Variants in ARHGEF26 observed in about 807,000 individuals in gnomAD.
ARHGEF26 encodes the protein Rho guanine nucleotide exchange factor (GEF) 26.
Under a neutral mutation model 89.4 loss-of-function variants are expected in ARHGEF26, and 59 were observed. The ratio of observed to expected loss-of-function variants is 0.66; its 90% confidence interval spans 0.54 to 0.82. The LOEUF (loss-of-function observed/expected upper bound fraction) is 0.82. Ranked by LOEUF, ARHGEF26 falls within the 40% of genes least tolerant of loss-of-function variation. The probability of loss-of-function intolerance (pLI) is 0.00; values close to 1 mark genes in which losing one functional copy is unlikely to be tolerated. For missense variants in ARHGEF26, 1,234 were observed against 1,085.6 expected, an observed-to-expected ratio of 1.14 and a Z score of -1.92; for synonymous variants, 500 against 428.4, an observed-to-expected ratio of 1.17 and a Z score of -2.06.
intron 11 of ARHGEF26, among the ~76,000 whole-genome samples, chr3:154,228,851 G>C (rs1011336507): frequency 6.6e-6 from 1 of 152,218 alleles, no homozygotes; most frequent in African/African-American, 2.4e-5. Flanking sequence ...AAAATCACCT[G>C]TGCCAGCGCT....
At chr3:154,207,843 A>T (rs1715122978) in intron 9 of ARHGEF26, among the ~76,000 whole-genome samples, 1 of 152,230 alleles carries the variant, frequency 6.6e-6, no homozygotes, top group African/African-American at 2.4e-5. Flanking sequence ...CATGGAATCC[A>T]GTTAAGTGCC....
intron 10 of ARHGEF26, among the ~76,000 whole-genome samples, chr3:154,218,413 T>C (rs903489314): frequency 1.3e-5 from 2 of 152,214 alleles, no homozygotes; most frequent in African/African-American, 2.4e-5. Flanking sequence ...AGTTTGTTTT[T>C]CTCTCATAAT....
intron 9 of ARHGEF26, among the ~76,000 whole-genome samples, chr3:154,205,930 T>C (rs575258771): frequency 6.6e-6 from 1 of 152,254 alleles, no homozygotes; most frequent in African/African-American, 2.4e-5. Context: ...ACACCATAGT[T>C]ACAGTGTTAT....
At chr3:154,166,578 G>T (rs1442874497) in intron 6 of ARHGEF26, among the ~76,000 whole-genome samples, 2 of 152,160 alleles carry the variant, frequency 1.3e-5, no homozygotes, top group Non-Finnish European at 2.9e-5. Context: ...ATTTTAGTGA[G>T]TGTATGTATT....
intron 6 of ARHGEF26, among the ~76,000 whole-genome samples, chr3:154,159,301 C>G (rs1332148837): frequency 6.6e-6 from 1 of 151,996 alleles, no homozygotes; most frequent in Non-Finnish European, 1.5e-5. Flanking sequence ...TTTCCAATTA[C>G]AAAGTTAAAA....
rs557045322 is a variant in ARHGEF26 at position 154,204,394 on chromosome 3, G to T, written c.1845+9676G>T. Among the ~76,000 whole-genome samples, 7 of 145,100 alleles carry T rather than the reference G, an allele frequency of 4.8e-5. No homozygotes were observed. The South Asian group carries it at 6.8e-4, about 14-fold the overall frequency. On this transcript the variant is annotated intron_variant, in intron 9 of 14. Coordinates refer to ENST00000465093, the MANE Select transcript of ARHGEF26 (RefSeq NM_015595.4). ...GTATCTCCCAGGCTGGAGTGCAGTG[G>T]CATGATCTTGGTTCACTGCAACCTC... is the stretch of plus-strand genomic sequence containing the variant.
intron 11 of ARHGEF26, among the ~76,000 whole-genome samples, chr3:154,230,328 C>CT (rs1390653435): frequency 6.6e-6 from 1 of 152,150 alleles, no homozygotes; most frequent in African/African-American, 2.4e-5. Flanking sequence ...GATAAAATAT[C>CT]TTTTTCAAGG....
At chr3:154,217,728 CTG>C (rs1715856370) in intron 9 of ARHGEF26, 139 bp from the exon 10 acceptor site, 4 of 663,484 alleles carry the variant, frequency 6.0e-6, no homozygotes, top group Admixed American at 2.6e-5. Flanking sequence ...AATGTCTTAA[CTG>C]TGAAAAACTG....
intron 7 of ARHGEF26, 105 bp downstream of exon 7, chr3:154,187,942 C>CTGAT: frequency 1.8e-6 from 2 of 1,114,828 alleles, no homozygotes. Context: ...GAAATGCCTC[C>CTGAT]TGATAGGCTA....
At position 154,256,280 on chromosome 3, in the gene ARHGEF26, T is replaced by C; in HGVS notation, c.*807T>C. On this transcript the variant is annotated 3_prime_UTR_variant, in exon 15 of 15. Transcript: ENST00000465093. ...CTCTGTCGCCCAGGCTAGAGTATAG[T>C]GGTGTGATCTTGGCCCACTGCAACC... 1 of 982,896 alleles carries C rather than the reference T, an allele frequency of 1.0e-6. No individual in the cohort carries two copies. The highest frequency in any genetic ancestry group is 1.2e-6 in the Non-Finnish European group (1 of 827,782). The allele number at this position is 982,896 out of a possible 1,614,324, so 60.9% of individuals were successfully genotyped here.
chr3:154,209,707 C>T (rs2108228828), intron 9 of ARHGEF26, among the ~76,000 whole-genome samples: 1 of 152,268 alleles, frequency 6.6e-6, no homozygotes, highest in Non-Finnish European at 1.5e-5. Context: ...GACCTGAGGC[C>T]AGCACAGTGC....
Position 154,129,682 on chromosome 3 carries a change from A to G in ARHGEF26, c.1232A>G (p.His411Arg), listed in dbSNP as rs1460495414. ...TCAGATGAAAAAATTGTGATTCACCATAAGCCATTGAGATCCACATGGAGC... is the reference window on the plus strand; with the variant it reads ...TCAGATGAAAAAATTGTGATTCACCGTAAGCCATTGAGATCCACATGGAGC... ...QKSDEKIVIH[H>R]KPLRSTWSQL... The change falls in exon 4 of 15, where the codon CAT becomes CGT. Residue 411 changes from histidine to arginine, a missense_variant. Physicochemically the swap from His to Arg is conservative, Grantham distance 29. Transcript: ENST00000465093. The G allele has an allele frequency of 4.3e-6, 7 of 1,612,648 alleles. No individual in the cohort carries two copies. Among genetic ancestry groups the G allele is most frequent in the South Asian group, 2.2e-5 (2 of 90,604 alleles).
intron 9 of ARHGEF26, among the ~76,000 whole-genome samples, chr3:154,204,474 A>G (rs534691315): frequency 1.3e-5 from 2 of 151,478 alleles, no homozygotes; most frequent in Admixed American, 6.6e-5. Context: ...AGCTGGGACT[A>G]CAGGTACATG....
At chr3:154,185,325 G>A (rs924919425) in intron 6 of ARHGEF26, among the ~76,000 whole-genome samples, 5 of 152,014 alleles carry the variant, frequency 3.3e-5, no homozygotes, top group African/African-American at 9.7e-5. Flanking sequence ...CATTTAAGAC[G>A]GCAGATGCAA....
chr3:154,144,284 G>A (rs958928075), intron 4 of ARHGEF26, among the ~76,000 whole-genome samples: 1 of 152,134 alleles, frequency 6.6e-6, no homozygotes, highest in Non-Finnish European at 1.5e-5. Flanking sequence ...CCAATTATTA[G>A]GGTGAATGAC....
chr3:154,172,534 A>C (rs1712516557), intron 6 of ARHGEF26, among the ~76,000 whole-genome samples: 2 of 152,260 alleles, frequency 1.3e-5, no homozygotes, highest in South Asian at 4.1e-4. Context: ...TCTTTACTAA[A>C]AATAAAAAAG....
intron 7 of ARHGEF26, 43 bp from the exon 8 acceptor site, chr3:154,191,246 G>A (rs1310512299): frequency 9.6e-6 from 15 of 1,561,220 alleles, no homozygotes; most frequent in Non-Finnish European, 1.3e-5. Context: ...TTAATTTGAG[G>A]AGGAAATATT....
At position 154,255,394 on chromosome 3, in the gene ARHGEF26, A is replaced by G. The variant is rs1368470909; in HGVS notation, c.2537A>G (p.Lys846Arg). 4 of 1,613,712 alleles carry G rather than the reference A, an allele frequency of 2.5e-6. No individual in the cohort carries two copies. The highest frequency in any genetic ancestry group is 3.4e-6 in the Non-Finnish European group (4 of 1,179,858). ...ERGWFPMECAKEITCQATIDK... is the reference protein window; with the variant it reads ...ERGWFPMECAREITCQATIDK... ...GGCTGGTTTCCTATGGAATGTGCCA[A>G]GGAGATAACATGTCAAGCTACAATT... The change falls in exon 15 of 15, where the codon AAG becomes AGG. Residue 846 changes from lysine to arginine, a missense_variant. Lys to Arg is a conservative substitution (Grantham distance 26). Coordinates refer to ENST00000465093, the MANE Select transcript of ARHGEF26 (RefSeq NM_015595.4).
Position 154,255,808 on chromosome 3 carries a change from T to G in ARHGEF26, c.*335T>G, listed in dbSNP as rs1478788608. On this transcript the variant is annotated 3_prime_UTR_variant, in exon 15 of 15. Transcript: ENST00000465093. ...AAACACATATTATATCCTGGTTTTC[T>G]CTATCCTTGCATTACTAAGGTGACT... 3 of 1,074,874 alleles carry G rather than the reference T, an allele frequency of 2.8e-6. No homozygotes were observed. Among genetic ancestry groups the G allele is most frequent in the Non-Finnish European group, 3.4e-6 (3 of 887,886 alleles). 66.6% of individuals were successfully genotyped at this position (1,074,874 alleles called of 1,614,324 possible).
Sources: allele counts gnomAD v4.1 joint callset (sites outside exome capture counted in the v4.1 genomes callset), GRCh38; gene constraint gnomAD v4.1.1; transcripts MANE v1.5; gene names NCBI Gene and HGNC (gene_info 2026-07-23, HGNC 2026-07-21).